Variants in AKR1B10 observed in about 807,000 individuals in gnomAD.
The protein encoded by AKR1B10 is aldo-keto reductase family 1 member B10, also known as ARP.
AKR1B10 carries 39 observed loss-of-function variants against 38.9 expected under a neutral mutation model. That is an observed-to-expected ratio of 1.00 (90% CI 0.78 to 1.31). The LOEUF (loss-of-function observed/expected upper bound fraction) is 1.31. Ranked by LOEUF, AKR1B10 falls within the 50% of genes most tolerant of loss-of-function variation. The pLI is 0.00. For synonymous variants in AKR1B10, 148 were observed against 141.2 expected (o/e 1.05, Z -0.34); for missense variants, 361 against 382.6 (o/e 0.94, Z 0.47).
Position 134,531,130 on chromosome 7 carries a change from A to G in AKR1B10, c.234+320A>G, listed in dbSNP as rs114796272. Among the ~76,000 whole-genome samples the G allele has an allele frequency of 7.3e-3, 1,118 of 152,278 alleles. 19 individuals are homozygous for G. Among genetic ancestry groups the G allele is most frequent in the African/African-American group, 0.026 (1,092 of 41,568 alleles). ...AGAGGCAATCAGAGGCCAAGGGTGC[A>G]GGCGGGTCTTGATCTGAAGCCTCCC... On this transcript the variant is annotated intron_variant, in intron 2 of 9. Transcript: ENST00000359579.
rs534249227 is a variant in AKR1B10 at position 134,537,686 on chromosome 7, T to G, written c.741+25T>G. The G allele has an allele frequency of 1.6e-5, 26 of 1,612,014 alleles. No homozygotes were observed. The East Asian group carries it at 5.6e-4, about 35-fold the overall frequency. ...GGTGCCATATTTTTATTTTTCTTGTTATCCAACAACTCATTCTTCCAGTCT... is the reference window on the plus strand; with the variant it reads ...GGTGCCATATTTTTATTTTTCTTGTGATCCAACAACTCATTCTTCCAGTCT... On this transcript the variant is annotated intron_variant, in intron 7 of 9. Transcript: ENST00000359579.
At chr7:134,536,811 A>G (rs1325785524) in intron 5 of AKR1B10, 39 bp downstream of exon 5, 4 of 1,611,568 alleles carry the variant, frequency 2.5e-6, no homozygotes, top group Middle Eastern at 1.6e-4. Flanking sequence ...GTCCTGCCCT[A>G]TTACTTCTTA....
intron 9 of AKR1B10, among the ~76,000 whole-genome samples, chr7:134,540,259 A>G (rs969620841): frequency 6.6e-6 from 1 of 152,068 alleles, no homozygotes; most frequent in Non-Finnish European, 1.5e-5. Context: ...CGCTGCTTGC[A>G]TGTCATGATA....
rs530555900 is a variant in AKR1B10 at position 134,541,229 on chromosome 7, C to T, written c.*140C>T. On this transcript the variant is annotated 3_prime_UTR_variant, in exon 10 of 10. Transcript: ENST00000359579. ...CCTGTTATAGACGAGAATCGAGGTG[C>T]TGTTTTAGACATTTATTTCTGTATG... The T allele has an allele frequency of 1.6e-6, 1 of 611,868 alleles. No individual in the cohort carries two copies. The highest frequency in any genetic ancestry group is 3.3e-5 in the Admixed American group (1 of 30,450). The allele number at this position is 611,868 out of a possible 1,614,324, so 37.9% of individuals were successfully genotyped here.
chr7:134,539,408 C>G (rs971298400), intron 9 of AKR1B10, among the ~76,000 whole-genome samples: 2 of 152,022 alleles, frequency 1.3e-5, no homozygotes, highest in Non-Finnish European at 2.9e-5. Context: ...GAAGAGACAA[C>G]AGAAATAAAT....
chr7:134,540,902 G>A, intron 9 of AKR1B10, 145 bp from the exon 10 acceptor site: 1 of 653,716 alleles, frequency 1.5e-6, no homozygotes, highest in East Asian at 2.9e-5. Context: ...TCAAAGTGTG[G>A]GCACCCTCCT....
chr7:134,540,642 G>T (rs1186060759), intron 9 of AKR1B10, among the ~76,000 whole-genome samples: 2 of 152,192 alleles, frequency 1.3e-5, no homozygotes, highest in African/African-American at 4.8e-5. Flanking sequence ...CCTTAGCTTA[G>T]AATGTGCCAG....
chr7:134,532,983 C>G (rs144930647), intron 3 of AKR1B10, 21 bp from the exon 4 acceptor site: 4 of 1,593,800 alleles, frequency 2.5e-6, no homozygotes, highest in Non-Finnish European at 3.4e-6. Context: ...TTCCAGTAAA[C>G]TTTTCATTCT....
At position 134,541,383 on chromosome 7, in the gene AKR1B10, A is replaced by G; in HGVS notation, c.*294A>G. On this transcript the variant is annotated 3_prime_UTR_variant, in exon 10 of 10. Transcript: ENST00000359579. ...CTCTGCCAACACTGAGGATGTAAAG[A>G]TCAATAAAAAAAATAATAATCATAA... 3.1e-6 allele frequency: 1 copy of G among 319,906 alleles called. No homozygotes were observed. Among genetic ancestry groups the G allele is most frequent in the Non-Finnish European group, 5.7e-6 (1 of 176,344 alleles). The allele number at this position is 319,906 out of a possible 1,614,324, so 19.8% of individuals were successfully genotyped here. A position where few individuals can be genotyped will look rare whatever the true frequency, so the allele number is the denominator to read the frequency against.
Position 134,528,001 on chromosome 7 carries a change from C to T in AKR1B10, c.66+24C>T, listed in dbSNP as rs141459829. On this transcript the variant is annotated intron_variant, in intron 1 of 9. Transcript: ENST00000359579. ...AGGTAAATATGCAAATCTTTGCACA[C>T]CCTTCTTCTCTGGAGGGGCGTTTGG... is the stretch of plus-strand genomic sequence containing the variant. The T allele has an allele frequency of 8.0e-3, 12,829 of 1,612,744 alleles. 100 individuals are homozygous for T. The highest frequency in any genetic ancestry group is 0.015 in the Middle Eastern group (89 of 6,058).
In AKR1B10 at chr7:134,538,258, G is replaced by T. The variant is rs146556418; in HGVS notation, c.806G>T (p.Arg269Leu). ...ATCCCCAAGTCTGTGACACCAGCAC[G>T]CATTGTTGAGAACATTCAGGTAAGT... Reference protein sequence around the residue: ...IVIPKSVTPARIVENIQVFDF... With the variant: ...IVIPKSVTPALIVENIQVFDF... Residue 269 changes from arginine (R) to leucine (L), a missense_variant, in exon 8 of 10, where the codon CGC (arginine) becomes CTC (leucine). Coordinates refer to ENST00000359579, the MANE Select transcript of AKR1B10 (RefSeq NM_020299.5). 2.5e-6 allele frequency: 4 copies of T among 1,613,932 alleles called. No individual in the cohort carries two copies. In the African/African-American group the frequency reaches 4.0e-5, roughly 16 times the overall value.
intron 3 of AKR1B10, 147 bp from the exon 4 acceptor site, chr7:134,532,857 C>A: frequency 5.6e-5 from 33 of 585,014 alleles, no homozygotes; most frequent in East Asian, 1.5e-4. Context: ...TTTAATTAAA[C>A]TCACATTCCT....
chr7:134,539,107 C>G, intron 9 of AKR1B10, 90 bp downstream of exon 9: 1 of 1,488,412 alleles, frequency 6.7e-7, no homozygotes, highest in Non-Finnish European at 9.3e-7. Flanking sequence ...GCTGCTGGGA[C>G]TACTTGTGTC....
In AKR1B10 at chr7:134,541,331, G is replaced by A; in HGVS notation, c.*242G>A. 3 of 422,342 alleles carry A rather than the reference G, an allele frequency of 7.1e-6. No homozygotes were observed. Among genetic ancestry groups the A allele is most frequent in the Non-Finnish European group, 1.3e-5 (3 of 238,838 alleles). 26.2% of individuals were successfully genotyped at this position (422,342 alleles called of 1,614,324 possible). A position where few individuals can be genotyped will look rare whatever the true frequency, so the allele number is the denominator to read the frequency against. On this transcript the variant is annotated 3_prime_UTR_variant, in exon 10 of 10. Coordinates refer to ENST00000359579, the MANE Select transcript of AKR1B10 (RefSeq NM_020299.5). ...ACAATTTTTTCCACTTATCTGATCA[G>A]AACAAATGTTTATTAAGCATCAGAA...
chr7:134,530,584 G>A (rs1348832732), intron 1 of AKR1B10, 59 bp from the exon 2 acceptor site: 3 of 1,592,880 alleles, frequency 1.9e-6, no homozygotes, highest in Admixed American at 1.7e-5. Flanking sequence ...GGGCAACACG[G>A]CAGGGCCCCA....
At chr7:134,532,940 C>T in intron 3 of AKR1B10, 64 bp from the exon 4 acceptor site, 1 of 1,430,386 alleles carries the variant, frequency 7.0e-7, no homozygotes, top group Non-Finnish European at 9.7e-7. Flanking sequence ...ATCCTGAAAC[C>T]TTGTTGAACA....
rs749501053 is a variant in AKR1B10 at position 134,537,539 on chromosome 7, A to G, written c.660-41A>G. 4.4e-6 allele frequency: 7 copies of G among 1,595,612 alleles called. No individual in the cohort carries two copies. In the Admixed American group the frequency reaches 6.7e-5, roughly 15 times the overall value. On this transcript the variant is annotated intron_variant, in intron 6 of 9. Transcript: ENST00000359579. ...GGAGTGGTGTCCTTCTGTACATGGTAGCCATGGTGATTATTCACATCAGCA... is the reference window on the plus strand; with the variant it reads ...GGAGTGGTGTCCTTCTGTACATGGTGGCCATGGTGATTATTCACATCAGCA...
intron 4 of AKR1B10, among the ~76,000 whole-genome samples, chr7:134,534,040 T>C (rs1807934331): frequency 6.6e-6 from 1 of 152,192 alleles, no homozygotes; most frequent in Admixed American, 6.5e-5. Context: ...CTTTCTGAAA[T>C]GCTTATAATT....
At chr7:134,531,020 T>A (rs1585751092) in intron 2 of AKR1B10, among the ~76,000 whole-genome samples, 1 of 152,186 alleles carries the variant, frequency 6.6e-6, no homozygotes, top group South Asian at 2.1e-4. Flanking sequence ...TGTAGGTTGG[T>A]TTTCCCATAG....
Sources: gnomAD v4.1 joint callset for allele counts (sites outside exome capture counted in the v4.1 genomes callset) on GRCh38, gnomAD v4.1.1 for gene constraint, MANE v1.5 for transcripts, NCBI Gene and HGNC (gene_info 2026-07-23, HGNC 2026-07-21) for gene names.